Variants in SEC14L1 observed in about 807,000 individuals in gnomAD.
SEC14L1 encodes the protein SEC14 like lipid binding 1.
In SEC14L1, 48 loss-of-function variants were observed where a neutral mutation model predicts 85.3. The ratio of observed to expected loss-of-function variants is 0.56; its 90% CI spans 0.45 to 0.72. The LOEUF is 0.72. Ranked by LOEUF, SEC14L1 falls within the 30% of genes least tolerant of loss-of-function variation. The pLI is 0.00. For missense variants in SEC14L1, 682 were observed against 921.4 expected, an observed-to-expected ratio of 0.74 and a Z score of 3.36; for synonymous variants, 391 against 355.5, an observed-to-expected ratio of 1.10 and a Z score of -1.12.
chr17:77,144,056 G>GT (rs1354249660), intron 3 of SEC14L1, among the ~76,000 whole-genome samples: 6 of 152,142 alleles, frequency 3.9e-5, no homozygotes, highest in Non-Finnish European at 7.3e-5. Context: ...TTTAGGTGGT[G>GT]TTAGAACTGA....
At chr17:77,104,802 A>G (rs1339403527) in intron 3 of SEC14L1, among the ~76,000 whole-genome samples, 1 of 151,272 alleles carries the variant, frequency 6.6e-6, no homozygotes, top group Non-Finnish European at 1.5e-5. Flanking sequence ...AAAAAAAAAA[A>G]AAAAAGAAAG....
intron 3 of SEC14L1, among the ~76,000 whole-genome samples, chr17:77,119,643 A>C (rs1416450446): frequency 2.0e-5 from 3 of 152,190 alleles, no homozygotes; most frequent in Non-Finnish European, 4.4e-5. Context: ...AGTGAATGTG[A>C]AATATCATCT....
intron 3 of SEC14L1, among the ~76,000 whole-genome samples, chr17:77,162,840 A>AAAAAT (rs1450225042): frequency 1.3e-5 from 2 of 151,932 alleles, no homozygotes; most frequent in African/African-American, 4.8e-5. Flanking sequence ...CAAAAAAAAA[A>AAAAAT]AATGTGTTGT....
At chr17:77,201,109 G>A (rs1296935917) in intron 9 of SEC14L1, among the ~76,000 whole-genome samples, 1 of 152,204 alleles carries the variant, frequency 6.6e-6, no homozygotes, top group African/African-American at 2.4e-5. Context: ...GAGCACTTCA[G>A]TTCTGCTTTG....
At chr17:77,111,037 AC>A (rs746913817) in intron 3 of SEC14L1, among the ~76,000 whole-genome samples, 33 of 150,692 alleles carry the variant, frequency 2.2e-4, no homozygotes, top group Non-Finnish European at 4.4e-4. Flanking sequence ...CTGCAAAAAT[AC>A]AAAAATTAGC....
chr17:77,177,162 G>T (rs970628316), intron 3 of SEC14L1, among the ~76,000 whole-genome samples: 1 of 151,564 alleles, frequency 6.6e-6, no homozygotes, highest in African/African-American at 2.4e-5. Flanking sequence ...AGACATCAAG[G>T]AACACATGTG....
At chr17:77,172,778 T>A (rs1201515957) in intron 3 of SEC14L1, among the ~76,000 whole-genome samples, 1 of 152,146 alleles carries the variant, frequency 6.6e-6, no homozygotes. Context: ...ATCCTTCCCT[T>A]GTTGTATATA....
At chr17:77,119,216 G>A (rs1046086492) in intron 3 of SEC14L1, among the ~76,000 whole-genome samples, 7 of 151,434 alleles carry the variant, frequency 4.6e-5, no homozygotes, top group African/African-American at 1.7e-4. Flanking sequence ...GCTGAGACAC[G>A]AGAACTGCTT....
intron 3 of SEC14L1, among the ~76,000 whole-genome samples, chr17:77,112,915 T>C (rs1291177449): frequency 1.4e-5 from 2 of 143,088 alleles, no homozygotes; most frequent in Non-Finnish European, 3.1e-5. Context: ...CCTGTACTTC[T>C]AGCACTTTGG....
At position 77,203,634 on chromosome 17, in the gene SEC14L1, C is replaced by A; in HGVS notation, c.1074C>A (p.Leu358=). 4 of 1,613,504 alleles carry A rather than the reference C, an allele frequency of 2.5e-6. No individual in the cohort carries two copies. The highest frequency in any genetic ancestry group is 3.4e-6 in the Non-Finnish European group (4 of 1,179,844). ...QMDTKGLVRA[L]GEEALLRYVL... is the part of the protein sequence containing the mutation. ...ACACCAAAGGCTTGGTGAGAGCGCT[C>A]GGGGAGGAAGCCCTGCTGAGATACG... Residue 358 remains leucine, a synonymous_variant, in exon 10 of 17, where the codon CTC becomes CTA. Transcript: ENST00000436233.
chr17:77,209,397 A>T lies in SEC14L1; in HGVS notation c.1532A>T (p.Glu511Val), dbSNP rs1170373631. 6.8e-6 allele frequency: 11 copies of T among 1,614,168 alleles called. No individual in the cohort carries two copies. The highest frequency in any genetic ancestry group is 1.1e-5 in the South Asian group (1 of 91,084). ...VPKSLYRTAE[E>V]LENEDLKLWT... ...AAATCTCTGTACCGGACTGCAGAGGAGCTGGAGAACGAAGACCTGAAGCTC... is the reference window on the plus strand; with the variant it reads ...AAATCTCTGTACCGGACTGCAGAGGTGCTGGAGAACGAAGACCTGAAGCTC... Residue 511 changes from glutamate (E) to valine (V), a missense_variant, in exon 14 of 17, where the codon GAG becomes GTG. Physicochemically the swap from Glu to Val is moderately radical, Grantham distance 121. Transcript: ENST00000436233.
At chr17:77,198,508 A>G (rs1040432346) in intron 8 of SEC14L1, among the ~76,000 whole-genome samples, 3 of 152,244 alleles carry the variant, frequency 2.0e-5, no homozygotes, top group African/African-American at 7.2e-5. Context: ...AGCCTTAGTT[A>G]AATCAGGATT....
intron 3 of SEC14L1, among the ~76,000 whole-genome samples, chr17:77,154,030 T>TA (rs1352879467): frequency 4.6e-5 from 7 of 152,134 alleles, no homozygotes; most frequent in African/African-American, 1.7e-4. Flanking sequence ...CACCCACAGA[T>TA]ACAACCAACC....
At chr17:77,128,473 T>C (rs1275715023) in intron 3 of SEC14L1, among the ~76,000 whole-genome samples, 1 of 145,442 alleles carries the variant, frequency 6.9e-6, no homozygotes, top group African/African-American at 2.5e-5. Flanking sequence ...TTTTTTTTTT[T>C]TCTGAGACAT....
chr17:77,188,279 A>G (rs911978976), intron 3 of SEC14L1, among the ~76,000 whole-genome samples: 8 of 152,062 alleles, frequency 5.3e-5, no homozygotes, highest in African/African-American at 1.4e-4. Flanking sequence ...GCCCTTTTAC[A>G]GCCACACCTG....
chr17:77,194,348 A>C (rs1975692763), intron 6 of SEC14L1, among the ~76,000 whole-genome samples: 1 of 152,162 alleles, frequency 6.6e-6, no homozygotes, highest in East Asian at 1.9e-4. Flanking sequence ...CGAGCCCAAG[A>C]GTTCGAGACC....
At chr17:77,198,576 C>CTT (rs1254638220) in intron 8 of SEC14L1, among the ~76,000 whole-genome samples, 10 of 141,876 alleles carry the variant, frequency 7.0e-5, no homozygotes, top group African/African-American at 7.7e-5. Flanking sequence ...TATGAGATCT[C>CTT]TTTTTTTTTT....
intron 3 of SEC14L1, among the ~76,000 whole-genome samples, chr17:77,174,501 T>G (rs1385196341): frequency 6.6e-6 from 1 of 152,238 alleles, no homozygotes; most frequent in Non-Finnish European, 1.5e-5. Context: ...AATACTGCAC[T>G]GCCATTGTGT....
At chr17:77,184,693 G>C (rs999651041) in intron 3 of SEC14L1, among the ~76,000 whole-genome samples, 1 of 152,158 alleles carries the variant, frequency 6.6e-6, no homozygotes, top group African/African-American at 2.4e-5. Context: ...GGATTCCTTT[G>C]TAATAGGGAC....
Sources: gnomAD v4.1 joint callset for allele counts (sites outside exome capture counted in the v4.1 genomes callset) on GRCh38, gnomAD v4.1.1 for gene constraint, MANE v1.5 for transcripts, NCBI Gene and HGNC (gene_info 2026-07-23, HGNC 2026-07-21) for gene names.